The following TMEM117 variants were observed in gnomAD, a reference collection of about 807,000 sequenced individuals.
The protein encoded by TMEM117 is transmembrane protein 117.
Under a neutral mutation model 52.4 loss-of-function variants are expected in TMEM117, and 27 were observed. That is an observed-to-expected ratio of 0.51 (90% CI 0.38 to 0.71). The LOEUF (loss-of-function observed/expected upper bound fraction) is 0.71. Among genes scored for constraint, TMEM117 ranks in the 30% least tolerant of loss-of-function variants. The pLI is 0.00. For missense variants in TMEM117, 556 were observed against 630.5 expected (o/e 0.88, Z 1.26); for synonymous variants, 215 against 206.3 (o/e 1.04, Z -0.36).
intron 4 of TMEM117, among the ~76,000 whole-genome samples, chr12:44,171,409 G>A (rs1048142034): frequency 6.6e-6 from 1 of 152,144 alleles, no homozygotes; most frequent in African/African-American, 2.4e-5. Flanking sequence ...GCATCCATTA[G>A]TGGATCTTAT....
intron 3 of TMEM117, among the ~76,000 whole-genome samples, chr12:44,040,670 A>C (rs1946782984): frequency 6.6e-6 from 1 of 152,194 alleles, no homozygotes; most frequent in South Asian, 2.1e-4. Flanking sequence ...CTTCCAGTAT[A>C]ATGTTTAATG....
At chr12:43,843,063 C>T (rs909904053) in intron 1 of TMEM117, among the ~76,000 whole-genome samples, 6 of 152,146 alleles carry the variant, frequency 3.9e-5, no homozygotes, top group African/African-American at 1.4e-4. Context: ...ATGATAATAA[C>T]AGTATTTCAG....
chr12:43,827,148 A>G, the TMEM117 span, among the ~76,000 whole-genome samples: 1 of 151,916 alleles, frequency 6.6e-6, no homozygotes, highest in Non-Finnish European at 1.5e-5. Context: ...TTCTGCATAA[A>G]TGTCACCTCA....
intron 3 of TMEM117, among the ~76,000 whole-genome samples, chr12:44,005,184 C>G (rs536541482): frequency 3.9e-5 from 6 of 152,264 alleles, no homozygotes; most frequent in African/African-American, 9.6e-5. Context: ...AGAACGGATT[C>G]TTGGTAGAAA....
chr12:44,284,468 C>G (rs1296277584), intron 5 of TMEM117, among the ~76,000 whole-genome samples: 2 of 152,228 alleles, frequency 1.3e-5, no homozygotes, highest in African/African-American at 4.8e-5. Flanking sequence ...CAATTTCCCT[C>G]TGTTGAACTG....
At chr12:43,990,959 A>T (rs1407123335) in intron 3 of TMEM117, among the ~76,000 whole-genome samples, 6 of 152,214 alleles carry the variant, frequency 3.9e-5, no homozygotes, top group African/African-American at 1.2e-4. Flanking sequence ...GGACTTAAGA[A>T]TTTAATAAAA....
At chr12:44,331,164 C>T (rs1245928805) in intron 6 of TMEM117, among the ~76,000 whole-genome samples, 1 of 150,362 alleles carries the variant, frequency 6.7e-6, no homozygotes, top group Non-Finnish European at 1.5e-5. Flanking sequence ...TCTAGTATTT[C>T]TTCTAGTGGG....
chr12:44,278,532 C>T (rs1950542073), intron 5 of TMEM117, among the ~76,000 whole-genome samples: 1 of 152,148 alleles, frequency 6.6e-6, no homozygotes, highest in Non-Finnish European at 1.5e-5. Flanking sequence ...TATATTACTG[C>T]AGCAGTCTAC....
chr12:44,291,374 G>GTTTT (rs1185340451), intron 5 of TMEM117, among the ~76,000 whole-genome samples: 41 of 71,390 alleles, frequency 5.7e-4, no homozygotes, highest in Non-Finnish European at 6.6e-4. Flanking sequence ...AGTTCTAACA[G>GTTTT]TTTTTTTTTT....
rs141061832 is a variant in TMEM117 at position 44,071,344 on chromosome 12, C to T, written c.411-72181C>T. ...ACATGACTGATGCTGTTTTATCCAA[C>T]AGACCTTGGGATTGAAATAATGAAT... On this transcript the variant is annotated intron_variant, in intron 3 of 7. Transcript: ENST00000266534. 2.6e-5 allele frequency among the ~76,000 whole-genome samples: 4 copies of T among 152,204 alleles called. No individual in the cohort carries two copies. The East Asian group carries it at 5.8e-4, about 22-fold the overall frequency.
At chr12:44,025,773 A>G (rs1361892937) in intron 3 of TMEM117, among the ~76,000 whole-genome samples, 2 of 152,196 alleles carry the variant, frequency 1.3e-5, no homozygotes, top group African/African-American at 4.8e-5. Flanking sequence ...AAATATGATA[A>G]CAGATGGTAT....
At chr12:44,356,103 C>T (rs1296997962) in intron 6 of TMEM117, among the ~76,000 whole-genome samples, 1 of 152,088 alleles carries the variant, frequency 6.6e-6, no homozygotes, top group Non-Finnish European at 1.5e-5. Context: ...GGTCACTTCT[C>T]AGAACTTGTG....
intron 4 of TMEM117, among the ~76,000 whole-genome samples, chr12:44,159,960 C>A (rs1236404625): frequency 3.3e-5 from 5 of 152,104 alleles, no homozygotes; most frequent in African/African-American, 1.2e-4. Context: ...TGCTCATCTC[C>A]ACCCAGGTTC....
At chr12:43,800,022 C>G in the TMEM117 span, among the ~76,000 whole-genome samples, 2 of 152,030 alleles carry the variant, frequency 1.3e-5, no homozygotes, top group Admixed American at 1.3e-4. Flanking sequence ...AAGAAACCAG[C>G]CCACTTCACA....
chr12:44,375,698 A>G (rs530832165), intron 6 of TMEM117, among the ~76,000 whole-genome samples: 8 of 152,352 alleles, frequency 5.3e-5, no homozygotes, highest in South Asian at 2.1e-4. Context: ...AAAGAATATT[A>G]ACTAAATATA....
chr12:44,013,325 T>A (rs1946325373), intron 3 of TMEM117, among the ~76,000 whole-genome samples: 1 of 152,102 alleles, frequency 6.6e-6, no homozygotes, highest in African/African-American at 2.4e-5. Context: ...CCGCGCCCAG[T>A]CTAGGTCTCA....
chr12:43,861,421 C>A (rs1943487534), intron 2 of TMEM117, among the ~76,000 whole-genome samples: 1 of 152,152 alleles, frequency 6.6e-6, no homozygotes, highest in Non-Finnish European at 1.5e-5. Context: ...CTGTTTTTTT[C>A]TGGGTTGCTC....
chr12:44,195,377 A>C lies in TMEM117; in HGVS notation c.511-15913A>C, dbSNP rs143358005. ...CTAGCTTCCAATATCGCTGACTTCTACTGCTTTTTAAAGGACTCATATGAG... is the reference window on the plus strand; with the variant it reads ...CTAGCTTCCAATATCGCTGACTTCTCCTGCTTTTTAAAGGACTCATATGAG... On this transcript the variant is annotated intron_variant, in intron 4 of 7. Coordinates refer to ENST00000266534, the MANE Select transcript of TMEM117 (RefSeq NM_032256.3). Among the ~76,000 whole-genome samples, 95 of 152,272 alleles carry C rather than the reference A, an allele frequency of 6.2e-4. 2 individuals are homozygous for C. Among genetic ancestry groups the C allele is most frequent in the African/African-American group, 2.2e-3 (90 of 41,562 alleles).
At chr12:43,912,677 CT>C (rs1006797699) in intron 2 of TMEM117, among the ~76,000 whole-genome samples, 6 of 151,216 alleles carry the variant, frequency 4.0e-5, no homozygotes, top group South Asian at 2.1e-4. Context: ...GGAAATATGT[CT>C]TTTTTTTCAC....
Sources: allele counts gnomAD v4.1 joint callset (sites outside exome capture counted in the v4.1 genomes callset), GRCh38; gene constraint gnomAD v4.1.1; transcripts MANE v1.5; gene names NCBI Gene and HGNC (gene_info 2026-07-23, HGNC 2026-07-21).